PDE4B: variants seen among roughly 807,000 people sequenced by gnomAD.
The protein encoded by PDE4B is 3',5'-cyclic-AMP phosphodiesterase 4B.
Under a neutral mutation model 82.2 loss-of-function variants are expected in PDE4B, and 20 were observed. The ratio of observed to expected loss-of-function variants is 0.24; its 90% CI spans 0.17 to 0.35. The LOEUF (loss-of-function observed/expected upper bound fraction) is 0.35. Ranked by LOEUF, PDE4B falls within the 10% of genes least tolerant of loss-of-function variation. The pLI is 1.00. For missense variants in PDE4B, 655 were observed against 907.2 expected (o/e 0.72, Z 3.57); for synonymous variants, 320 against 318.9 (o/e 1.00, Z -0.04).
At chr1:65,900,754 G>A (rs1399018535) in intron 1 of PDE4B, among the ~76,000 whole-genome samples, 1 of 152,022 alleles carries the variant, frequency 6.6e-6, no homozygotes, top group Non-Finnish European at 1.5e-5. Context: ...TTGGCTCTCA[G>A]ATTGAATGTT....
At chr1:66,002,618 A>G (rs1651926593) in intron 3 of PDE4B, among the ~76,000 whole-genome samples, 1 of 152,010 alleles carries the variant, frequency 6.6e-6, no homozygotes, top group African/African-American at 2.4e-5. Flanking sequence ...GCCTTAATGT[A>G]GTATACTGTA....
At chr1:66,131,694 C>T (rs1645954339) in intron 3 of PDE4B, among the ~76,000 whole-genome samples, 2 of 137,698 alleles carry the variant, frequency 1.5e-5, no homozygotes, top group Non-Finnish European at 3.1e-5. Flanking sequence ...AGTAATAACA[C>T]ATTAATTCAA....
chr1:65,916,912 G>A (rs906110696), intron 2 of PDE4B, among the ~76,000 whole-genome samples: 1 of 152,010 alleles, frequency 6.6e-6, no homozygotes, highest in Non-Finnish European at 1.5e-5. Context: ...TCCTGATACT[G>A]AACTATGATT....
chr1:65,816,190 A>AGTGTGTGT (rs139330007), intron 1 of PDE4B, among the ~76,000 whole-genome samples: 66,638 of 132,490 alleles, frequency 0.5, 16,854 homozygotes, highest in Non-Finnish European at 0.58. Context: ...TTATTAATGC[A>AGTGTGTGT]GTGTGTGTGT....
intron 7 of PDE4B, among the ~76,000 whole-genome samples, chr1:66,308,327 A>AT (rs987852792): frequency 1.1e-4 from 16 of 152,134 alleles, no homozygotes; most frequent in African/African-American, 1.9e-4. Flanking sequence ...GAGTTCATGG[A>AT]TTTTTTTCCG....
intron 1 of PDE4B, among the ~76,000 whole-genome samples, chr1:65,906,215 C>A (rs1414223276): frequency 1.3e-5 from 2 of 152,064 alleles, no homozygotes; most frequent in African/African-American, 4.8e-5. Flanking sequence ...TGTGTTTCAG[C>A]CATACTTGCC....
chr1:66,007,488 A>G (rs976236324), intron 3 of PDE4B, among the ~76,000 whole-genome samples: 21 of 152,130 alleles, frequency 1.4e-4, no homozygotes, highest in African/African-American at 4.6e-4. Flanking sequence ...AAAAACAAGT[A>G]TAAAATACAA....
At chr1:65,988,019 C>T (rs888425017) in intron 3 of PDE4B, among the ~76,000 whole-genome samples, 12 of 152,136 alleles carry the variant, frequency 7.9e-5, no homozygotes, top group Non-Finnish European at 1.8e-4. Context: ...ATAGTCTATC[C>T]CAAATTCCAG....
chr1:66,288,037 G>T (rs1656807415), intron 7 of PDE4B, among the ~76,000 whole-genome samples: 1 of 152,004 alleles, frequency 6.6e-6, no homozygotes, highest in African/African-American at 2.4e-5. Flanking sequence ...AATACCAAAG[G>T]TTAGGTAATT....
chr1:66,117,662 G>C (rs1284622496), intron 3 of PDE4B, among the ~76,000 whole-genome samples: 3 of 151,850 alleles, frequency 2.0e-5, no homozygotes, highest in Non-Finnish European at 4.4e-5. Context: ...ATTTTTCATT[G>C]ATAAAGTGAG....
chr1:65,861,992 A>G (rs527613842), intron 1 of PDE4B, among the ~76,000 whole-genome samples: 2 of 152,174 alleles, frequency 1.3e-5, no homozygotes, highest in African/African-American at 4.8e-5. Context: ...TGTCATCTGC[A>G]AACAGAGACT....
intron 3 of PDE4B, among the ~76,000 whole-genome samples, chr1:65,985,654 A>G (rs1041386347): frequency 6.6e-6 from 1 of 152,170 alleles, no homozygotes; most frequent in Admixed American, 6.5e-5. Context: ...AACATCTACC[A>G]TGGGAACAGC....
intron 16 of PDE4B, among the ~76,000 whole-genome samples, chr1:66,370,169 A>G (rs1278011267): frequency 6.6e-6 from 1 of 151,112 alleles, no homozygotes; most frequent in African/African-American, 2.4e-5. Context: ...AAAAAAAAAA[A>G]AAAAAAAAAG....
chr1:66,109,838 C>T (rs1458944325), intron 3 of PDE4B, among the ~76,000 whole-genome samples: 1 of 151,822 alleles, frequency 6.6e-6, no homozygotes, highest in Non-Finnish European at 1.5e-5. Context: ...TCAACCCTCA[C>T]CCTTTTCCTC....
chr1:66,074,609 T>G (rs545828228), intron 3 of PDE4B, among the ~76,000 whole-genome samples: 2 of 152,162 alleles, frequency 1.3e-5, no homozygotes, highest in South Asian at 2.1e-4. Flanking sequence ...AAAGAAATTC[T>G]GTACCCATTG....
chr1:66,281,680 C>G (rs1201436766), intron 7 of PDE4B, among the ~76,000 whole-genome samples: 2 of 152,348 alleles, frequency 1.3e-5, no homozygotes, highest in Non-Finnish European at 2.9e-5. Context: ...GTCCATAAAG[C>G]ATTTGTTTCA....
At chr1:65,902,929 CTG>C (rs537661930) in intron 1 of PDE4B, among the ~76,000 whole-genome samples, 5 of 152,154 alleles carry the variant, frequency 3.3e-5, no homozygotes, top group Non-Finnish European at 7.4e-5. Context: ...GTGGAACAAA[CTG>C]TGGACCAAAA....
intron 1 of PDE4B, among the ~76,000 whole-genome samples, chr1:65,896,932 G>GT (rs1041694209): frequency 1.3e-5 from 2 of 151,996 alleles, no homozygotes; most frequent in African/African-American, 4.8e-5. Context: ...TTTCTATTGT[G>GT]TTTTTTAAAA....
intron 3 of PDE4B, among the ~76,000 whole-genome samples, chr1:66,082,796 A>T (rs1016135509): frequency 6.6e-6 from 1 of 152,050 alleles, no homozygotes; most frequent in African/African-American, 2.4e-5. Context: ...AAATTTGCTT[A>T]AAAATATTAT....
Sources: gnomAD v4.1 joint callset for allele counts (sites outside exome capture counted in the v4.1 genomes callset) on GRCh38, gnomAD v4.1.1 for gene constraint, MANE v1.5 for transcripts, NCBI Gene and HGNC (gene_info 2026-07-23, HGNC 2026-07-21) for gene names.